The following ADAMTSL3 variants were observed in gnomAD, a reference collection of about 807,000 sequenced individuals.
ADAMTSL3 encodes ADAMTS like 3.
ADAMTSL3 carries 128 observed loss-of-function variants against 201.7 expected under a neutral mutation model. The ratio of observed to expected loss-of-function variants is 0.63; its 90% confidence interval spans 0.55 to 0.73. The LOEUF is 0.73. Ranked by LOEUF, ADAMTSL3 falls within the 30% of genes least tolerant of loss-of-function variation. The pLI is 0.00. For missense variants in ADAMTSL3, 1,990 were observed against 2,119.6 expected (o/e 0.94, Z 1.20); for synonymous variants, 738 against 748.4 (o/e 0.99, Z 0.23).
chr15:83,966,351 C>T (rs925480808), intron 19 of ADAMTSL3, among the ~76,000 whole-genome samples: 2 of 151,858 alleles, frequency 1.3e-5, no homozygotes, highest in Admixed American at 1.3e-4. Flanking sequence ...ATAAAATCAC[C>T]ATTGATCCCA....
chr15:83,854,099 A>G (rs1386103747), intron 7 of ADAMTSL3, among the ~76,000 whole-genome samples: 1 of 152,170 alleles, frequency 6.6e-6, no homozygotes, highest in Non-Finnish European at 1.5e-5. Context: ...ACACCTAAAA[A>G]ATTATAATTT....
At chr15:83,857,601 A>C (rs924555977) in intron 7 of ADAMTSL3, among the ~76,000 whole-genome samples, 1 of 152,230 alleles carries the variant, frequency 6.6e-6, no homozygotes, top group Non-Finnish European at 1.5e-5. Flanking sequence ...CAAACAAAAA[A>C]TCTGGAATGG....
intron 9 of ADAMTSL3, among the ~76,000 whole-genome samples, chr15:83,882,612 ATATT>A (rs2065297807): frequency 6.6e-6 from 1 of 152,042 alleles, no homozygotes; most frequent in Non-Finnish European, 1.5e-5. Flanking sequence ...GTCGGAAAAT[ATATT>A]TATTTCATTG....
Position 83,706,921 on chromosome 15 carries a change from G to C in ADAMTSL3, c.189+2413G>C, listed in dbSNP as rs769791870. Among the ~76,000 whole-genome samples the C allele has an allele frequency of 1.1e-4, 16 of 152,028 alleles. 1 individual carries two copies. The highest frequency in any genetic ancestry group is 2.2e-4 in the Non-Finnish European group (15 of 67,998). ...TGGGCTCAAGCGATCTGCTCTCCTCGGCCTCCCAAAGCGTTGGGATTACAG... is the reference window on the plus strand; with the variant it reads ...TGGGCTCAAGCGATCTGCTCTCCTCCGCCTCCCAAAGCGTTGGGATTACAG... On this transcript the variant is annotated intron_variant, in intron 3 of 29. Coordinates refer to ENST00000286744, the MANE Select transcript of ADAMTSL3 (RefSeq NM_207517.3).
At chr15:83,891,144 G>T in intron 11 of ADAMTSL3, 185 bp from the exon 12 acceptor site, 1 of 528,536 alleles carries the variant, frequency 1.9e-6, no homozygotes. Flanking sequence ...AATTTGTGTC[G>T]TAGATATTCT....
chr15:84,007,721 A>G (rs1349415020), intron 23 of ADAMTSL3, among the ~76,000 whole-genome samples: 1 of 152,210 alleles, frequency 6.6e-6, no homozygotes, highest in Non-Finnish European at 1.5e-5. Context: ...AGAGGATTCT[A>G]AGCAAAGGAG....
chr15:83,785,308 T>C (rs1468164511), intron 4 of ADAMTSL3, among the ~76,000 whole-genome samples: 3 of 152,254 alleles, frequency 2.0e-5, no homozygotes, highest in African/African-American at 4.8e-5. Context: ...GTAGGTCTTA[T>C]ACTTTATGAG....
chr15:83,759,591 TAAG>T (rs1190741529), intron 3 of ADAMTSL3, among the ~76,000 whole-genome samples: 1 of 152,164 alleles, frequency 6.6e-6, no homozygotes, highest in Non-Finnish European at 1.5e-5. Flanking sequence ...GGTTGGGTTC[TAAG>T]AAGAAGACCT....
intron 23 of ADAMTSL3, among the ~76,000 whole-genome samples, chr15:84,011,099 C>A (rs1004481858): frequency 1.3e-5 from 2 of 152,160 alleles, no homozygotes; most frequent in South Asian, 4.1e-4. Context: ...ATAGAGTAGG[C>A]ACTCCATAAA....
chr15:83,822,948 C>T (rs181113842), intron 6 of ADAMTSL3, among the ~76,000 whole-genome samples: 3,080 of 152,190 alleles, frequency 0.02, 36 homozygotes, highest in Non-Finnish European at 0.033. Context: ...ATCCCGGCAC[C>T]TCGGGAGGCG....
intron 17 of ADAMTSL3, among the ~76,000 whole-genome samples, chr15:83,940,756 C>T (rs1385001876): frequency 1.3e-5 from 2 of 152,016 alleles, no homozygotes; most frequent in Admixed American, 6.6e-5. Context: ...CAAAAGTTTG[C>T]TTTATATATA....
At chr15:83,819,165 G>T (rs183635880) in intron 5 of ADAMTSL3, among the ~76,000 whole-genome samples, 6 of 148,952 alleles carry the variant, frequency 4.0e-5, no homozygotes, top group South Asian at 2.1e-4. Flanking sequence ...AGCTACTCAG[G>T]GGGGCTGAAG....
intron 3 of ADAMTSL3, 35 bp from the exon 4 acceptor site, chr15:83,773,488 G>GTTTT: frequency 7.0e-7 from 1 of 1,427,064 alleles, no homozygotes; most frequent in East Asian, 2.5e-5. Context: ...TTATTGTGTG[G>GTTTT]TTTTTTTTTT....
At chr15:83,756,844 A>C (rs1354105026) in intron 3 of ADAMTSL3, among the ~76,000 whole-genome samples, 1 of 152,218 alleles carries the variant, frequency 6.6e-6, no homozygotes, top group African/African-American at 2.4e-5. Flanking sequence ...ATTGGCCCAA[A>C]CAAAGGGGCT....
chr15:83,743,638 G>C (rs1477470791), intron 3 of ADAMTSL3, among the ~76,000 whole-genome samples: 1 of 151,864 alleles, frequency 6.6e-6, no homozygotes, highest in South Asian at 2.1e-4. Context: ...TTGACTGTCT[G>C]ATTTCTCTGT....
intron 4 of ADAMTSL3, among the ~76,000 whole-genome samples, chr15:83,801,331 C>T (rs968055834): frequency 1.3e-5 from 2 of 151,640 alleles, no homozygotes; most frequent in Non-Finnish European, 2.9e-5. Flanking sequence ...TGTCCTTCTC[C>T]CAAAGCCTTC....
At chr15:83,658,291 T>C (rs147127648) in intron 2 of ADAMTSL3, among the ~76,000 whole-genome samples, 27 of 152,234 alleles carry the variant, frequency 1.8e-4, no homozygotes, top group African/African-American at 6.3e-4. Context: ...GTATTATCGG[T>C]AGAGATGAGG....
At chr15:83,736,378 G>A (rs551013503) in intron 3 of ADAMTSL3, among the ~76,000 whole-genome samples, 3 of 152,192 alleles carry the variant, frequency 2.0e-5, no homozygotes, top group Admixed American at 6.5e-5. Context: ...CTACTTCATC[G>A]CATATGGCAA....
intron 27 of ADAMTSL3, among the ~76,000 whole-genome samples, chr15:84,029,887 C>A (rs1474483137): frequency 6.6e-6 from 1 of 152,208 alleles, no homozygotes; most frequent in Non-Finnish European, 1.5e-5. Context: ...TAAAAGGAAC[C>A]AACATACAAC....
Sources: gnomAD v4.1 joint callset for allele counts (sites outside exome capture counted in the v4.1 genomes callset) on GRCh38, gnomAD v4.1.1 for gene constraint, MANE v1.5 for transcripts, NCBI Gene and HGNC (gene_info 2026-07-23, HGNC 2026-07-21) for gene names.